The following EPHA5 variants were observed in gnomAD, a reference collection of about 807,000 sequenced individuals.
EPHA5 encodes the protein ephrin type-A receptor 5.
In EPHA5, 60 loss-of-function variants were observed where a neutral mutation model predicts 105.0. The observed-to-expected ratio is 0.57, with a 90% CI of 0.46 to 0.71. EPHA5 has a LOEUF of 0.71. Ranked by LOEUF, EPHA5 falls within the 30% of genes least tolerant of loss-of-function variation. The probability of loss-of-function intolerance (pLI) is 0.00; values close to 1 mark genes in which losing one functional copy is unlikely to be tolerated. For missense variants in EPHA5, 1,218 were observed against 1,274.7 expected, an observed-to-expected ratio of 0.96 and a Z score of 0.68; for synonymous variants, 513 against 449.1, an observed-to-expected ratio of 1.14 and a Z score of -1.80.
rs978031761 is a variant in EPHA5, at chr4:65,615,756, T to A, written c.247-13452A>T. 2.0e-5 allele frequency among the ~76,000 whole-genome samples: 3 copies of A among 151,782 alleles called. No individual in the cohort carries two copies. In the East Asian group the frequency reaches 5.8e-4, roughly 29 times the overall value. ...GATGTCACCATACCCCTATTTGAAA[T>A]GAATAAAAAATCATTTTTAATAGTG... On this transcript the variant is annotated intron_variant, in intron 2 of 16. Transcript: ENST00000613740.
chr4:65,567,720 G>A lies in EPHA5; in HGVS notation c.910+33921C>T, dbSNP rs374004047. Among the ~76,000 whole-genome samples the A allele has an allele frequency of 3.6e-4, 54 of 151,652 alleles. 1 individual carries two copies. In the South Asian group the frequency reaches 0.011, roughly 31 times the overall value. Reference sequence around the variant, plus strand: ...AATATGACTGCACCTATTAACCAAAGTGCTTGAGTAGTATGTTCGACTCAA... The same window carrying A: ...AATATGACTGCACCTATTAACCAAAATGCTTGAGTAGTATGTTCGACTCAA... On this transcript the variant is annotated intron_variant, in intron 3 of 16. Coordinates refer to ENST00000613740, the MANE Select transcript of EPHA5 (RefSeq NM_001281766.3).
chr4:65,544,797 C>G (rs1578387877), intron 3 of EPHA5, among the ~76,000 whole-genome samples: 1 of 151,888 alleles, frequency 6.6e-6, no homozygotes, highest in East Asian at 1.9e-4. Flanking sequence ...CAGCACTGTT[C>G]ACAATAGCAA....
At chr4:65,435,732 T>C (rs1725413580) in intron 5 of EPHA5, among the ~76,000 whole-genome samples, 2 of 152,116 alleles carry the variant, frequency 1.3e-5, no homozygotes, top group East Asian at 1.9e-4. Flanking sequence ...TGAGCCTTTT[T>C]ATATGTAAAA....
At chr4:65,398,538 C>T (rs1158018144) in intron 8 of EPHA5, among the ~76,000 whole-genome samples, 1 of 152,124 alleles carries the variant, frequency 6.6e-6, no homozygotes, top group Non-Finnish European at 1.5e-5. Flanking sequence ...GGGGGCTAAG[C>T]TTTCACTTCT....
At position 65,321,096 on chromosome 4, in the gene EPHA5, T is replaced by C. The variant is rs148294196; in HGVS notation, c.*3018A>G. The C allele has an allele frequency of 2.2e-4, 51 of 230,740 alleles. No individual in the cohort carries two copies. The East Asian group carries it at 3.1e-3, about 14-fold the overall frequency. The allele number at this position is 230,740 out of a possible 1,614,324, so 14.3% of individuals were successfully genotyped here. ...AAATTATGATAGGTCAAAGTAGTAA[T>C]TGAGTGACTTCAAGTATCAGTCTGT... is the stretch of plus-strand genomic sequence containing the variant. On this transcript the variant is annotated 3_prime_UTR_variant, in exon 17 of 17. Coordinates refer to ENST00000613740, the MANE Select transcript of EPHA5 (RefSeq NM_001281766.3).
intron 3 of EPHA5, among the ~76,000 whole-genome samples, chr4:65,547,460 G>C (rs898775008): frequency 6.6e-6 from 1 of 151,820 alleles, no homozygotes; most frequent in Non-Finnish European, 1.5e-5. Context: ...ATATTTTATG[G>C]TCTAAAATAG....
intron 7 of EPHA5, among the ~76,000 whole-genome samples, chr4:65,412,215 G>C (rs1415747389): frequency 6.6e-6 from 1 of 152,110 alleles, no homozygotes; most frequent in Non-Finnish European, 1.5e-5. Context: ...GCCATAGAGT[G>C]AGACTCTCTC....
chr4:65,511,562 G>A (rs980339178), intron 3 of EPHA5, among the ~76,000 whole-genome samples: 2 of 152,108 alleles, frequency 1.3e-5, no homozygotes, highest in African/African-American at 4.8e-5. Context: ...ATATATGTAT[G>A]TATATTTGAA....
intron 7 of EPHA5, among the ~76,000 whole-genome samples, chr4:65,409,021 T>C (rs1021364140): frequency 3.4e-5 from 5 of 147,678 alleles, no homozygotes; most frequent in Admixed American, 2.0e-4. Flanking sequence ...AAAAAAAGGA[T>C]GAGTTCATGT....
chr4:65,332,203 T>C (rs529697687), intron 15 of EPHA5, 75 bp from the exon 16 acceptor site: 28 of 1,190,216 alleles, frequency 2.4e-5, no homozygotes, highest in Middle Eastern at 2.2e-4. Context: ...TAATGTTAAC[T>C]CATATTCAAT....
At chr4:65,440,192 G>T (rs895701974) in intron 5 of EPHA5, among the ~76,000 whole-genome samples, 2 of 151,772 alleles carry the variant, frequency 1.3e-5, no homozygotes, top group African/African-American at 4.8e-5. Context: ...CATTAACATT[G>T]TCATAGACAT....
intron 11 of EPHA5, among the ~76,000 whole-genome samples, chr4:65,362,938 A>G (rs1274810963): frequency 6.6e-6 from 1 of 151,738 alleles, no homozygotes. Flanking sequence ...TTTTGAACCA[A>G]ATGAAGAAAC....
intron 5 of EPHA5, among the ~76,000 whole-genome samples, chr4:65,423,484 G>A (rs1404861972): frequency 6.6e-6 from 1 of 151,882 alleles, no homozygotes; most frequent in Non-Finnish European, 1.5e-5. Context: ...TGGGAAATTT[G>A]TCCATTTTTC....
intron 1 of EPHA5, among the ~76,000 whole-genome samples, chr4:65,649,803 A>G (rs1161824692): frequency 6.6e-6 from 1 of 152,196 alleles, no homozygotes; most frequent in Non-Finnish European, 1.5e-5. Flanking sequence ...GCATTTGGTC[A>G]TGATCACGAT....
chr4:65,445,950 G>A (rs1726477521), intron 5 of EPHA5, among the ~76,000 whole-genome samples: 1 of 152,008 alleles, frequency 6.6e-6, no homozygotes, highest in Non-Finnish European at 1.5e-5. Flanking sequence ...CATCTCCTTT[G>A]TCACCAGTGT....
At chr4:65,359,267 G>A (rs966568713) in intron 11 of EPHA5, among the ~76,000 whole-genome samples, 3 of 151,402 alleles carry the variant, frequency 2.0e-5, no homozygotes, top group African/African-American at 7.3e-5. Flanking sequence ...TAATGAGCTT[G>A]GTTCTGTCTC....
chr4:65,588,390 G>A (rs1403761182), intron 3 of EPHA5, among the ~76,000 whole-genome samples: 1 of 151,970 alleles, frequency 6.6e-6, no homozygotes, highest in African/African-American at 2.4e-5. Context: ...GTATTTTCTA[G>A]GAACAAGCTC....
intron 3 of EPHA5, among the ~76,000 whole-genome samples, chr4:65,514,821 C>A (rs13137977): frequency 0.025 from 3,736 of 152,202 alleles, 95 homozygotes; most frequent in Admixed American, 0.052. Flanking sequence ...CCTGGCTATT[C>A]CTGCAATAAT....
chr4:65,573,745 T>C, intron 3 of EPHA5: 1 of 1,607,628 alleles, frequency 6.2e-7, no homozygotes, highest in Non-Finnish European at 8.5e-7. Flanking sequence ...ACAAAACCAG[T>C]TGGTGGTGAC....
Sources: gnomAD v4.1 joint callset for allele counts (sites outside exome capture counted in the v4.1 genomes callset) on GRCh38, gnomAD v4.1.1 for gene constraint, MANE v1.5 for transcripts, NCBI Gene and HGNC (gene_info 2026-07-23, HGNC 2026-07-21) for gene names.